Variants in PTRHD1 observed in about 807,000 individuals in gnomAD.
PTRHD1 encodes the protein peptidyl-tRNA hydrolase domain containing 1, also known as putative peptidyl-tRNA hydrolase PTRHD1.
Under a neutral mutation model 13.6 loss-of-function variants are expected in PTRHD1, and 12 were observed. The observed-to-expected ratio is 0.88, with a 90% CI of 0.57 to 1.43. PTRHD1 has a LOEUF of 1.43. Ranked by LOEUF, PTRHD1 falls within the 40% of genes most tolerant of loss-of-function variation. PTRHD1 has a pLI of 0.00. For missense variants in PTRHD1, 203 were observed against 184.7 expected, an observed-to-expected ratio of 1.10 and a Z score of -0.57; for synonymous variants, 86 against 79.5, an observed-to-expected ratio of 1.08 and a Z score of -0.43.
rs373730772 is a variant in PTRHD1 at position 24,790,554 on chromosome 2, G to T, written c.280C>A (p.Leu94Met). Residue 94 changes from leucine to methionine, a missense_variant, in exon 2 of 2, where the codon CTG becomes ATG. Physicochemically the swap from Leu to Met is conservative, Grantham distance 15. Coordinates refer to ENST00000328379, the MANE Select transcript of PTRHD1 (RefSeq NM_001013663.2). ...TTCTTCTGTTGCAGGGTCTCGGCCA[G>T]CTCCTTTAGGGTGGTCTCATCTGGG... is the stretch of plus-strand genomic sequence containing the variant. Reference protein sequence around the residue: ...EAPDETTLKELAETLQQKNID... With the variant: ...EAPDETTLKEMAETLQQKNID... 1 of 1,614,046 alleles carries T rather than the reference G, an allele frequency of 6.2e-7. No individual in the cohort carries two copies. Among genetic ancestry groups the T allele is most frequent in the South Asian group, 1.1e-5 (1 of 91,072 alleles).
chr2:24,792,731 T>G, intron 1 of PTRHD1: 2 of 216,638 alleles, frequency 9.2e-6, no homozygotes, highest in Non-Finnish European at 9.4e-6. Context: ...ATACTAACGT[T>G]TTTAGTATTT....
chr2:24,793,318 C>T lies in PTRHD1; in HGVS notation c.60G>A (p.Ala20=). Residue 20 remains alanine (A), a synonymous_variant, in exon 1 of 2, where the codon GCG becomes GCA. Coordinates refer to ENST00000328379, the MANE Select transcript of PTRHD1 (RefSeq NM_001013663.2). ...AGTATTGTACCAGGACCTGCGGCTC[C>T]GCCCCAGAGGCCGCCATCTTCCTGA... is the stretch of plus-strand genomic sequence containing the variant. The part of the protein sequence containing the change: ...RVVRKMAASG[A]EPQVLVQYLV... 6.2e-7 allele frequency: 1 copy of T among 1,613,880 alleles called. No homozygotes were observed. Among genetic ancestry groups the T allele is most frequent in the Non-Finnish European group, 8.5e-7 (1 of 1,180,040 alleles).
In PTRHD1 at chr2:24,793,249, C is replaced by A. The variant is rs776482715; in HGVS notation, c.129G>T (p.Pro43=). ...AAGCCTGCGCTACCAGTGCGCCCGCCGGCCAGGAGAACGGAGCTTGTGATA... is the reference window on the plus strand; with the variant it reads ...AAGCCTGCGCTACCAGTGCGCCCGCAGGCCAGGAGAACGGAGCTTGTGATA... The part of the protein sequence containing the change: ...KDLSQAPFSW[P]AGALVAQACH... Residue 43 remains proline, a synonymous_variant, in exon 1 of 2, where the codon CCG becomes CCT. Transcript: ENST00000328379. 57 of 1,613,778 alleles carry A rather than the reference C, an allele frequency of 3.5e-5. No homozygotes were observed. Among genetic ancestry groups the A allele is most frequent in the Non-Finnish European group, 4.7e-5 (56 of 1,180,040 alleles).
Position 24,790,275 on chromosome 2 carries a change from GACA to G in PTRHD1, c.*133_*135del. On this transcript the variant is annotated 3_prime_UTR_variant, in exon 2 of 2. Transcript: ENST00000328379. The stretch of plus-strand genomic sequence containing the variant: ...TTAATAAGAGGAAGTAGTTATTAAT[GACA>G]ACTTTAATATGAACATGTGCTTAAC... 1 of 983,288 alleles carries G rather than the reference GACA, an allele frequency of 1.0e-6. No individual in the cohort carries two copies. Among genetic ancestry groups the G allele is most frequent in the East Asian group, 2.5e-5 (1 of 40,018 alleles). 60.9% of individuals were successfully genotyped at this position (983,288 alleles called of 1,614,324 possible). A position where few individuals can be genotyped will look rare whatever the true frequency, so the allele number is the denominator to read the frequency against.
chr2:24,792,474 C>T (rs1301049830), intron 1 of PTRHD1: 3 of 152,728 alleles, frequency 2.0e-5, no homozygotes, highest in African/African-American at 4.8e-5. Flanking sequence ...AGCTTCGCAT[C>T]ATGAGCACTC....
rs766602082 is a variant in PTRHD1 at position 24,793,190 on chromosome 2, C to T, written c.188G>A (p.Arg63His). 1 of 1,612,956 alleles carries T rather than the reference C, an allele frequency of 6.2e-7. No individual in the cohort carries two copies. Among genetic ancestry groups the T allele is most frequent in the Non-Finnish European group, 8.5e-7 (1 of 1,179,718 alleles). Residue 63 changes from arginine (R) to histidine (H), a missense_variant, in exon 1 of 2, where the codon CGC (arginine) becomes CAC (histidine). Physicochemically the swap from Arg to His is conservative, Grantham distance 29. Coordinates refer to ENST00000328379, the MANE Select transcript of PTRHD1 (RefSeq NM_001013663.2). ...HAATAALHTH[R>H]DHPHTAAYLQ... ...GTAAGCGGCTGTGTGCGGGTGGTCG[C>T]GGTGAGTGTGCAAGGCCGCGGTGGC...
In PTRHD1 at chr2:24,790,126, A is replaced by G. The variant is rs1665590975; in HGVS notation, c.*285T>C. 1 of 294,214 alleles carries G rather than the reference A, an allele frequency of 3.4e-6. No homozygotes were observed. Among genetic ancestry groups the G allele is most frequent in the Non-Finnish European group, 6.3e-6 (1 of 159,390 alleles). The allele number at this position is 294,214 out of a possible 1,614,324, so 18.2% of individuals were successfully genotyped here. A position where few individuals can be genotyped will look rare whatever the true frequency, so the allele number is the denominator to read the frequency against. ...TGAATAAGAAGGAATTCAAAAGCAA[A>G]GTTTCAAACCCGAGTGACTGGAAGG... On this transcript the variant is annotated 3_prime_UTR_variant, in exon 2 of 2. Transcript: ENST00000328379.
Position 24,790,596 on chromosome 2 carries a change from C to T in PTRHD1, c.253-15G>A, listed in dbSNP as rs367800912. 21 of 1,607,350 alleles carry T rather than the reference C, an allele frequency of 1.3e-5. No individual in the cohort carries two copies. The highest frequency in any genetic ancestry group is 1.8e-5 in the Non-Finnish European group (21 of 1,176,600). The stretch of plus-strand genomic sequence containing the variant: ...TCATCTGGGGCCTAAAGGAGAAGAA[C>T]ACAGAACACAAACTGAATAGCCCAC... On this transcript the variant is annotated splice_polypyrimidine_tract_variant and intron_variant, in intron 1 of 1. Transcript: ENST00000328379.
chr2:24,793,374 G>C lies in PTRHD1; in HGVS notation c.4C>G (p.His2Asp). The C allele has an allele frequency of 6.2e-7, 1 of 1,613,346 alleles. No homozygotes were observed. Among genetic ancestry groups the C allele is most frequent in the South Asian group, 1.1e-5 (1 of 91,076 alleles). The change falls in exon 1 of 2, where the codon CAC (histidine) becomes GAC (aspartate). Residue 2 changes from histidine (H) to aspartate (D), a missense_variant. Physicochemically the swap from His to Asp is moderately conservative, Grantham distance 81. Coordinates refer to ENST00000328379, the MANE Select transcript of PTRHD1 (RefSeq NM_001013663.2). ...CGAAAGGCCGGACCTACTCCCCGGT[G>C]CATCTTGGGATCAGGGCGGGGCCCT... M[H>D]RGVGPAFRVV...
In PTRHD1 at chr2:24,790,017, G is replaced by C. The variant is rs1351191483; in HGVS notation, c.*394C>G. 8 of 158,476 alleles carry C rather than the reference G, an allele frequency of 5.0e-5. No individual in the cohort carries two copies. The highest frequency in any genetic ancestry group is 2.8e-5 in the Non-Finnish European group (2 of 72,178). The allele number at this position is 158,476 out of a possible 1,614,324, so 9.8% of individuals were successfully genotyped here. A position where few individuals can be genotyped will look rare whatever the true frequency, so the allele number is the denominator to read the frequency against. On this transcript the variant is annotated 3_prime_UTR_variant, in exon 2 of 2. Transcript: ENST00000328379. Reference sequence around the variant, plus strand: ...TGAAATACAAGTGTTTAATTTGCCGGCATATTTTTTAACAATACATAAAAT... The same window carrying C: ...TGAAATACAAGTGTTTAATTTGCCGCCATATTTTTTAACAATACATAAAAT...
rs1665590563 is a variant in PTRHD1, at chr2:24,790,089, G to A, written c.*322C>T. On this transcript the variant is annotated 3_prime_UTR_variant, in exon 2 of 2. Transcript: ENST00000328379. The stretch of plus-strand genomic sequence containing the variant: ...TGTTATCTTAGATTCAATGAAATAT[G>A]ATAACTGGATGTGAATAAGAAGGAA... 1 of 218,516 alleles carries A rather than the reference G, an allele frequency of 4.6e-6. No individual in the cohort carries two copies. Among genetic ancestry groups the A allele is most frequent in the Non-Finnish European group, 9.0e-6 (1 of 111,378 alleles). 13.5% of individuals were successfully genotyped at this position (218,516 alleles called of 1,614,324 possible). A position where few individuals can be genotyped will look rare whatever the true frequency, so the allele number is the denominator to read the frequency against.
At chr2:24,791,658 G>A (rs1665628201) in intron 1 of PTRHD1, 1 of 152,232 alleles carries the variant, frequency 6.6e-6, no homozygotes, top group South Asian at 2.1e-4. Flanking sequence ...AGCATAGTGA[G>A]ATACAGTGAG....
intron 1 of PTRHD1, among the ~76,000 whole-genome samples, chr2:24,791,918 G>A (rs577257405): frequency 6.6e-6 from 1 of 152,182 alleles, no homozygotes; most frequent in South Asian, 2.1e-4. Flanking sequence ...AATCAGTAGC[G>A]ACTCCTAAGT....
intron 1 of PTRHD1, 70 bp downstream of exon 1, chr2:24,793,056 T>G (rs1572714384): frequency 6.5e-7 from 1 of 1,534,338 alleles, no homozygotes; most frequent in Non-Finnish European, 8.8e-7. Flanking sequence ...AGCCAGGCCT[T>G]CGGACCGAAG....
chr2:24,791,433 G>C (rs1005175035), intron 1 of PTRHD1: 2 of 152,140 alleles, frequency 1.3e-5, no homozygotes, highest in African/African-American at 4.8e-5. Flanking sequence ...TCCCATTCCA[G>C]GAAGTATTAA....
rs1370630143 is a variant in PTRHD1 at position 24,793,348 on chromosome 2, C to T, written c.30G>A (p.Arg10=). 6.2e-7 allele frequency: 1 copy of T among 1,613,758 alleles called. No homozygotes were observed. Among genetic ancestry groups the T allele is most frequent in the Non-Finnish European group, 8.5e-7 (1 of 1,180,026 alleles). ...CAGAGGCCGCCATCTTCCTGACCAC[C>T]CGAAAGGCCGGACCTACTCCCCGGT... is the stretch of plus-strand genomic sequence containing the variant. MHRGVGPAF[R]VVRKMAASGA... Residue 10 remains arginine, a synonymous_variant, in exon 1 of 2, where the codon CGG becomes CGA. Transcript: ENST00000328379.
intron 1 of PTRHD1, 113 bp downstream of exon 1, chr2:24,793,013 A>G: frequency 7.9e-7 from 1 of 1,271,070 alleles, no homozygotes; most frequent in Non-Finnish European, 1.1e-6. Flanking sequence ...AATGTTAACG[A>G]TCACCCCAAC....
Position 24,793,367 on chromosome 2 carries a change from C to T in PTRHD1, c.11G>A (p.Gly4Glu), listed in dbSNP as rs764297277. MHRGVGPAFRVVRK... is the reference protein window; with the variant it reads MHREVGPAFRVVRK... ...GACCACCCGAAAGGCCGGACCTACT[C>T]CCCGGTGCATCTTGGGATCAGGGCG... Residue 4 changes from glycine to glutamate, a missense_variant, in exon 1 of 2, where the codon GGA becomes GAA. By Grantham distance (98) the Gly-to-Glu change is moderately conservative. Coordinates refer to ENST00000328379, the MANE Select transcript of PTRHD1 (RefSeq NM_001013663.2). 5.6e-6 allele frequency: 9 copies of T among 1,613,396 alleles called. No homozygotes were observed. Among genetic ancestry groups the T allele is most frequent in the African/African-American group, 4.0e-5 (3 of 74,960 alleles).
In PTRHD1 at chr2:24,790,259, G is replaced by T; in HGVS notation, c.*152C>A. The T allele has an allele frequency of 1.3e-6, 1 of 783,562 alleles. No homozygotes were observed. Among genetic ancestry groups the T allele is most frequent in the Non-Finnish European group, 2.0e-6 (1 of 503,576 alleles). The allele number at this position is 783,562 out of a possible 1,614,324, so 48.5% of individuals were successfully genotyped here. A position where few individuals can be genotyped will look rare whatever the true frequency, so the allele number is the denominator to read the frequency against. On this transcript the variant is annotated 3_prime_UTR_variant, in exon 2 of 2. Coordinates refer to ENST00000328379, the MANE Select transcript of PTRHD1 (RefSeq NM_001013663.2). ...TCCCCACTTGAACTTATTAATAAGAGGAAGTAGTTATTAATGACAACTTTA... is the reference window on the plus strand; with the variant it reads ...TCCCCACTTGAACTTATTAATAAGATGAAGTAGTTATTAATGACAACTTTA...
Sources: gnomAD v4.1 joint callset for allele counts (sites outside exome capture counted in the v4.1 genomes callset) on GRCh38, gnomAD v4.1.1 for gene constraint, MANE v1.5 for transcripts, NCBI Gene and HGNC (gene_info 2026-07-23, HGNC 2026-07-21) for gene names.